The following EIF3D variants were observed in gnomAD, a reference collection of about 807,000 sequenced individuals.
EIF3D encodes the protein eIF3 p66.
Under a neutral mutation model 75.4 loss-of-function variants are expected in EIF3D, and 10 were observed. That is an observed-to-expected ratio of 0.13 (90% CI 0.08 to 0.22). EIF3D has a LOEUF of 0.22. EIF3D is among the 10% of genes least tolerant of loss of function. The pLI, the probability that EIF3D is intolerant of heterozygous loss-of-function variation, is 1.00. For synonymous variants in EIF3D, 246 were observed against 248.3 expected (o/e 0.99, Z 0.09); for missense variants, 394 against 708.0 (o/e 0.56, Z 5.03).
rs1934589169 is a variant in EIF3D, at chr22:36,525,789, G to A, written c.124-80C>T. ...CAGAACCAGAAATCCCTGAGCGCGA[G>A]AGGACAGCGTGGAAGAGTCTCAGAA... On this transcript the variant is annotated intron_variant, in intron 2 of 14. Coordinates refer to ENST00000216190, the MANE Select transcript of EIF3D (RefSeq NM_003753.4). The A allele has an allele frequency of 6.4e-6, 10 of 1,562,936 alleles. No homozygotes were observed. The South Asian group carries it at 1.0e-4, about 16-fold the overall frequency.
chr22:36,514,580 G>A (rs928124080), intron 12 of EIF3D, among the ~76,000 whole-genome samples: 2 of 152,170 alleles, frequency 1.3e-5, no homozygotes, highest in African/African-American at 4.8e-5. Flanking sequence ...GATCTGATGT[G>A]CTGTTGCTAT....
In EIF3D at chr22:36,523,228, T is replaced by C; in HGVS notation, c.446A>G (p.Lys149Arg). Residue 149 changes from lysine to arginine, a missense_variant, in exon 6 of 15, where the codon AAA becomes AGA. Coordinates refer to ENST00000216190, the MANE Select transcript of EIF3D (RefSeq NM_003753.4). ...KFQKQFGVRQ[K>R]WDQKSQKPRD... is the part of the protein sequence containing the mutation. ...CATTACCTGTGATTTCTGATCCCAT[T>C]TCTGCCTAACCCCAAATTGTTTCTG... The C allele has an allele frequency of 6.2e-7, 1 of 1,614,060 alleles. No homozygotes were observed. The highest frequency in any genetic ancestry group is 8.5e-7 in the Non-Finnish European group (1 of 1,179,920).
Position 36,523,176 on chromosome 22 carries a change from T to C in EIF3D, c.465+33A>G, listed in dbSNP as rs762537015. 3.8e-6 allele frequency: 6 copies of C among 1,578,900 alleles called. No individual in the cohort carries two copies. The East Asian group carries it at 1.1e-4, about 29-fold the overall frequency. ...AGACAACCAAATAAACAGAACCAAA[T>C]TCCAAGGCAGAATTCTGGTATAAAT... On this transcript the variant is annotated intron_variant, in intron 6 of 14. Transcript: ENST00000216190.
rs1378965568 is a variant in EIF3D, at chr22:36,517,399, G to A, written c.892C>T (p.Pro298Ser). The A allele has an allele frequency of 1.2e-6, 2 of 1,613,244 alleles. No individual in the cohort carries two copies. Among genetic ancestry groups the A allele is most frequent in the South Asian group, 1.1e-5 (1 of 90,948 alleles). Residue 298 changes from proline to serine, a missense_variant, in exon 10 of 15, where the codon CCC (proline) becomes TCC (serine). Pro to Ser is a moderately conservative substitution (Grantham distance 74, BLOSUM62 -1). Transcript: ENST00000216190. ...LLTVSETANE[P>S]PQDEGNSFNS... The stretch of plus-strand genomic sequence containing the variant: ...AAGGAATTACCTTCATCTTGAGGGG[G>A]CTCATTGGCAGTCTCACTCACTGTC...
At chr22:36,514,207 G>T (rs961464181) in intron 12 of EIF3D, among the ~76,000 whole-genome samples, 1 of 152,202 alleles carries the variant, frequency 6.6e-6, no homozygotes, top group African/African-American at 2.4e-5. Flanking sequence ...CACATGGAAG[G>T]GGAAGGTGTT....
At chr22:36,524,884 T>A in intron 3 of EIF3D, 152 bp from the exon 4 acceptor site, 1 of 894,466 alleles carries the variant, frequency 1.1e-6, no homozygotes, top group African/African-American at 1.7e-5. Flanking sequence ...TCCCACCCCA[T>A]ACCCACTGAA....
rs1203373235 is a variant in EIF3D at position 36,523,326 on chromosome 22, T to G, written c.393-45A>C. On this transcript the variant is annotated intron_variant, in intron 5 of 14. Coordinates refer to ENST00000216190, the MANE Select transcript of EIF3D (RefSeq NM_003753.4). ...ATCTCAGTGCAGACCTTTAAACCAG[T>G]GGCTTCTTCAAAAGGCACACGCTGC... 8 of 1,504,210 alleles carry G rather than the reference T, an allele frequency of 5.3e-6. 1 individual carries two copies. Among genetic ancestry groups the G allele is most frequent in the Middle Eastern group, 3.5e-4 (2 of 5,766 alleles). The allele number at this position is 1,504,210 out of a possible 1,614,324, so 93.2% of individuals were successfully genotyped here. A position where few individuals can be genotyped will look rare whatever the true frequency, so the allele number is the denominator to read the frequency against.
chr22:36,512,689 A>G (rs1230265388), intron 12 of EIF3D, 87 bp from the exon 13 acceptor site: 8 of 1,469,668 alleles, frequency 5.4e-6, no homozygotes, highest in Non-Finnish European at 7.3e-6. Context: ...GGAACTCCCT[A>G]GTCTGCTTGC....
rs774844965 is a variant in EIF3D, at chr22:36,524,722, G to T, written c.180C>A (p.Ser60=). 4 of 1,614,206 alleles carry T rather than the reference G, an allele frequency of 2.5e-6. No individual in the cohort carries two copies. Among genetic ancestry groups the T allele is most frequent in the Middle Eastern group, 1.6e-4 (1 of 6,062 alleles). ...YQDKRYTNKY[S]SQFGGGSQYA... Reference sequence around the variant, plus strand: ...ATTGACTTCCACCACCAAACTGAGAGGAGTACTTATCTGGAGGCAAAGGTG... The same window carrying T: ...ATTGACTTCCACCACCAAACTGAGATGAGTACTTATCTGGAGGCAAAGGTG... The change falls in exon 4 of 15, where the codon TCC becomes TCA. Residue 60 remains serine (S), a synonymous_variant. Transcript: ENST00000216190.
intron 6 of EIF3D, among the ~76,000 whole-genome samples, chr22:36,521,868 C>T (rs555822183): frequency 1.3e-5 from 2 of 151,108 alleles, no homozygotes; most frequent in Non-Finnish European, 2.9e-5. Flanking sequence ...ACCCGGGAGG[C>T]GGAGGTTGCA....
intron 6 of EIF3D, among the ~76,000 whole-genome samples, chr22:36,521,640 A>C (rs1934515099): frequency 6.6e-6 from 1 of 152,106 alleles, no homozygotes; most frequent in African/African-American, 2.4e-5. Context: ...AAAGAAGCTC[A>C]TCTGGGCTGG....
At position 36,524,647 on chromosome 22, in the gene EIF3D, T is replaced by G. The variant is rs933876857; in HGVS notation, c.255A>C (p.Thr85=). 6.2e-7 allele frequency: 1 copy of G among 1,614,074 alleles called. No homozygotes were observed. The highest frequency in any genetic ancestry group is 8.5e-7 in the Non-Finnish European group (1 of 1,180,024). Residue 85 remains threonine (T), a synonymous_variant, in exon 4 of 15, where the codon ACA becomes ACC. Transcript: ENST00000216190. ...GGTAGGCCGTCTTCTGTGTGCGCGC[T>G]GTATCCACCAGCTGGAAGCTACTTT... The part of the protein sequence containing the change: ...EDESSFQLVD[T]ARTQKTAYQR...
At position 36,524,708 on chromosome 22, in the gene EIF3D, C is replaced by T. The variant is rs776220245; in HGVS notation, c.194G>A (p.Gly65Asp). Reference protein sequence around the residue: ...YTNKYSSQFGGGSQYAYFHEE... With the variant: ...YTNKYSSQFGDGSQYAYFHEE... ...ATGGAAATAAGCATATTGACTTCCA[C>T]CACCAAACTGAGAGGAGTACTTATC... Residue 65 changes from glycine to aspartate, a missense_variant, in exon 4 of 15, where the codon GGT becomes GAT. Coordinates refer to ENST00000216190, the MANE Select transcript of EIF3D (RefSeq NM_003753.4). 1 of 1,614,248 alleles carries T rather than the reference C, an allele frequency of 6.2e-7. No homozygotes were observed. Among genetic ancestry groups the T allele is most frequent in the Non-Finnish European group, 8.5e-7 (1 of 1,180,050 alleles).
At chr22:36,512,013 CCT>C (rs1463860506) in intron 13 of EIF3D, among the ~76,000 whole-genome samples, 7 of 152,016 alleles carry the variant, frequency 4.6e-5, no homozygotes, top group Non-Finnish European at 8.8e-5. Flanking sequence ...GCCTCAGCCC[CCT>C]GAGTAGCTGG....
At chr22:36,525,281 G>T (rs556963183) in intron 3 of EIF3D, among the ~76,000 whole-genome samples, 12 of 121,662 alleles carry the variant, frequency 9.9e-5, no homozygotes, top group Non-Finnish European at 1.6e-4. Flanking sequence ...ATCTGGCTCT[G>T]TCACCAGGCT....
intron 12 of EIF3D, chr22:36,516,208 A>C: frequency 2.9e-6 from 1 of 347,382 alleles, no homozygotes; most frequent in Non-Finnish European, 5.3e-6. Context: ...TGAAGAAAGT[A>C]CTGGAAGAAG....
intron 12 of EIF3D, among the ~76,000 whole-genome samples, chr22:36,514,316 A>G (rs910865892): frequency 6.6e-6 from 1 of 151,822 alleles, no homozygotes; most frequent in African/African-American, 2.4e-5. Flanking sequence ...CAGAATTCTA[A>G]GATGACCCCC....
In EIF3D at chr22:36,519,345, C is replaced by G. The variant is rs376152317; in HGVS notation, c.711+60G>C. 5.0e-6 allele frequency: 8 copies of G among 1,603,306 alleles called. No homozygotes were observed. In the Middle Eastern group the frequency reaches 5.1e-4, roughly 101 times the overall value. ...ATGTCTTCTGTTCTTTCTGCAGCTT[C>G]AGCTGTAGAAGCCGACAGCATTCCT... On this transcript the variant is annotated intron_variant, in intron 8 of 14. Coordinates refer to ENST00000216190, the MANE Select transcript of EIF3D (RefSeq NM_003753.4).
intron 12 of EIF3D, among the ~76,000 whole-genome samples, chr22:36,513,904 C>A (rs530075307): frequency 1.3e-5 from 2 of 152,074 alleles, no homozygotes; most frequent in Non-Finnish European, 2.9e-5. Context: ...GCTGATGAAG[C>A]GTGTATTGGA....
Sources: allele counts gnomAD v4.1 joint callset (sites outside exome capture counted in the v4.1 genomes callset), GRCh38; gene constraint gnomAD v4.1.1; transcripts MANE v1.5; gene names NCBI Gene and HGNC (gene_info 2026-07-23, HGNC 2026-07-21).